Variants in PCDH15 observed in about 807,000 individuals in gnomAD.
PCDH15 encodes protocadherin related 15.
A neutral mutation model predicts 178.5 loss-of-function variants in PCDH15; 129 were observed. That is an observed-to-expected ratio of 0.72 (90% CI 0.63 to 0.84). The LOEUF (loss-of-function observed/expected upper bound fraction) is 0.84. Among genes scored for constraint, PCDH15 ranks in the 40% least tolerant of loss-of-function variants. The probability of loss-of-function intolerance (pLI) is 0.00; values close to 1 mark genes in which losing one functional copy is unlikely to be tolerated. For synonymous variants in PCDH15, 800 were observed against 732.0 expected (o/e 1.09, Z -1.50); for missense variants, 2,230 against 2,099.9 (o/e 1.06, Z -1.21).
Position 54,792,573 on chromosome 10 carries a change from G to A in PCDH15, c.-29+8352C>T, listed in dbSNP as rs115541033. 5.3e-3 allele frequency among the ~76,000 whole-genome samples: 810 copies of A among 151,956 alleles called. 5 individuals are homozygous for A. Among genetic ancestry groups the A allele is most frequent in the African/African-American group, 0.019 (770 of 41,490 alleles). On this transcript the variant is annotated intron_variant, in intron 1 of 37. Coordinates refer to ENST00000644397, the MANE Select transcript of PCDH15 (RefSeq NM_001384140.1). ...GCTTTATCTAAACCACTGAAGTCCCGAACAGAACAAAAGTTGCTCTCCCTA... is the reference window on the plus strand; with the variant it reads ...GCTTTATCTAAACCACTGAAGTCCCAAACAGAACAAAAGTTGCTCTCCCTA...
Position 54,744,525 on chromosome 10 carries a change from T to G in PCDH15, c.-29+56400A>C, listed in dbSNP as rs143181640. ...ATAAACAAAACTCATCATATTTCAT[T>G]ACAGCATGTGGAAATTGTGAAGTAT... On this transcript the variant is annotated intron_variant, in intron 1 of 37. Transcript: ENST00000644397. Among the ~76,000 whole-genome samples, 104 of 152,260 alleles carry G rather than the reference T, an allele frequency of 6.8e-4. 1 individual carries two copies. The East Asian group carries it at 0.02, about 29-fold the overall frequency.
rs35648214 is a variant in PCDH15 at position 54,503,264 on chromosome 10, T to TGTGAGAGA, written c.157+24547_157+24548insTCTCTCAC. On this transcript the variant is annotated intron_variant, in intron 3 of 37. Transcript: ENST00000644397. ...GTGTGTGTGTGTGTGTGTGTGTGTG[T>TGTGAGAGA]GATTATATATATTTATATATAATAT... Among the ~76,000 whole-genome samples the TGTGAGAGA allele has an allele frequency of 1.9e-3, 261 of 137,372 alleles. 2 individuals are homozygous for TGTGAGAGA. Among genetic ancestry groups the TGTGAGAGA allele is most frequent in the African/African-American group, 6.3e-3 (233 of 36,830 alleles). 90.1% of individuals were successfully genotyped at this position (137,372 alleles called of 152,430 possible).
chr10:54,982,885 A>G (rs2131906588), intron 2 of PCDH15, among the ~76,000 whole-genome samples: 1 of 152,226 alleles, frequency 6.6e-6, no homozygotes, highest in South Asian at 2.1e-4. Flanking sequence ...ATCAAACCCA[A>G]TCTTCACAAA....
chr10:54,519,421 GACAA>G (rs569515934), intron 3 of PCDH15, among the ~76,000 whole-genome samples: 2,703 of 152,062 alleles, frequency 0.018, 70 homozygotes, highest in African/African-American at 0.061. Flanking sequence ...ACCAATAACA[GACAA>G]ACAGAGAGCC....
chr10:54,372,065 A>T (rs1484361555), intron 4 of PCDH15, among the ~76,000 whole-genome samples: 1 of 151,922 alleles, frequency 6.6e-6, no homozygotes, highest in East Asian at 1.9e-4. Context: ...TAGACCTTTT[A>T]AGGCATGTCC....
intron 2 of PCDH15, among the ~76,000 whole-genome samples, chr10:54,572,464 G>T (rs1184560865): frequency 1.3e-5 from 2 of 152,082 alleles, no homozygotes; most frequent in Non-Finnish European, 2.9e-5. Context: ...GATACTTTAA[G>T]AACTTTCCAA....
chr10:54,259,379 T>C (rs2057151425), intron 8 of PCDH15, among the ~76,000 whole-genome samples: 1 of 152,130 alleles, frequency 6.6e-6, no homozygotes, highest in South Asian at 2.1e-4. Flanking sequence ...AACATGCTTG[T>C]GGTGGCAGTA....
intron 1 of PCDH15, among the ~76,000 whole-genome samples, chr10:54,747,967 G>A (rs1447139288): frequency 1.3e-5 from 2 of 151,906 alleles, no homozygotes; most frequent in Admixed American, 6.6e-5. Flanking sequence ...CACCACGCCC[G>A]GCTAATTTTT....
At chr10:55,295,218 T>G (rs76018598) in intron 1 of PCDH15, among the ~76,000 whole-genome samples, 2,099 of 152,320 alleles carry the variant, frequency 0.014, 50 homozygotes, top group African/African-American at 0.048. Flanking sequence ...CCTTTTTTAT[T>G]CCTACTTACT....
chr10:55,353,803 AC>A (rs1434371279), intron 2 of PCDH15, among the ~76,000 whole-genome samples: 5 of 152,094 alleles, frequency 3.3e-5, no homozygotes, highest in Admixed American at 6.6e-5. Flanking sequence ...CTAAATATCT[AC>A]GATTGCAGGA....
chr10:53,953,748 A>T (rs536537867), intron 23 of PCDH15, among the ~76,000 whole-genome samples: 8 of 152,150 alleles, frequency 5.3e-5, no homozygotes, highest in Non-Finnish European at 1.2e-4. Flanking sequence ...TTAAGGGAGC[A>T]TTAGCAGAAA....
chr10:54,888,282 C>T (rs1954397448), intron 3 of PCDH15, among the ~76,000 whole-genome samples: 2 of 152,024 alleles, frequency 1.3e-5, no homozygotes. Context: ...TTTGTGGGCT[C>T]ATAGAGCATG....
At chr10:54,629,563 C>T (rs1304416682) in intron 2 of PCDH15, among the ~76,000 whole-genome samples, 1 of 151,890 alleles carries the variant, frequency 6.6e-6, no homozygotes, top group Non-Finnish European at 1.5e-5. Flanking sequence ...TGATAAAAAC[C>T]TACAACAAAC....
chr10:54,349,249 A>T (rs938860963), intron 5 of PCDH15, among the ~76,000 whole-genome samples: 2 of 152,134 alleles, frequency 1.3e-5, no homozygotes, highest in Non-Finnish European at 2.9e-5. Context: ...GAAGAGCAGG[A>T]TCCCAAAGCC....
At chr10:54,344,920 A>AAG (rs1942974891) in intron 6 of PCDH15, among the ~76,000 whole-genome samples, 1 of 145,238 alleles carries the variant, frequency 6.9e-6, no homozygotes, top group African/African-American at 2.5e-5. Context: ...AAAAAAAAAA[A>AAG]AAAAAACAAG....
rs574766816 is a variant in PCDH15 at position 55,271,978 on chromosome 10, A to G, written c.-156+47621T>C. ...GTGACATATGGTATTTATCTAGAAT[A>G]AAGAATTTATCTAGACTTATTATGC... On this transcript the variant is annotated intron_variant, in intron 1 of 5. Coordinates refer to the PCDH15 transcript ENST00000458638. Among the ~76,000 whole-genome samples, 12 of 152,286 alleles carry G rather than the reference A, an allele frequency of 7.9e-5. No homozygotes were observed. The South Asian group carries it at 2.5e-3, about 32-fold the overall frequency.
At chr10:55,285,574 A>G (rs1199541765) in intron 1 of PCDH15, among the ~76,000 whole-genome samples, 1 of 151,570 alleles carries the variant, frequency 6.6e-6, no homozygotes, top group Non-Finnish European at 1.5e-5. Context: ...TTCTTAATTT[A>G]TAGACTTCTT....
At position 53,803,351 on chromosome 10, in the gene PCDH15, C is replaced by G. The variant is rs1030887818; in HGVS notation, c.*3228G>C. On this transcript the variant is annotated 3_prime_UTR_variant, in exon 38 of 38. Transcript: ENST00000644397. ...AAATCAAAGCTCATGAAATAAAAGACAGAAAATGTCTTCCCTCGAGAGTCA... is the reference window on the plus strand; with the variant it reads ...AAATCAAAGCTCATGAAATAAAAGAGAGAAAATGTCTTCCCTCGAGAGTCA... 1 of 151,880 alleles carries G rather than the reference C, an allele frequency of 6.6e-6. No individual in the cohort carries two copies. The highest frequency in any genetic ancestry group is 1.5e-5 in the Non-Finnish European group (1 of 67,824). 9.4% of individuals were successfully genotyped at this position (151,880 alleles called of 1,614,324 possible).
At chr10:54,982,747 A>G (rs957495013) in intron 2 of PCDH15, among the ~76,000 whole-genome samples, 6 of 152,190 alleles carry the variant, frequency 3.9e-5, no homozygotes, top group African/African-American at 1.2e-4. Context: ...TATTAACTGC[A>G]TAAGTTTTGC....
Sources: allele counts gnomAD v4.1 joint callset (sites outside exome capture counted in the v4.1 genomes callset), GRCh38; gene constraint gnomAD v4.1.1; transcripts MANE v1.5; gene names NCBI Gene and HGNC (gene_info 2026-07-23, HGNC 2026-07-21).